MPP2: variants seen among roughly 807,000 people sequenced by gnomAD.
The protein encoded by MPP2 is MAGUK p55 subfamily member 2.
MPP2 carries 42 observed loss-of-function variants against 58.5 expected under a neutral mutation model. That is an observed-to-expected ratio of 0.72 (90% CI 0.56 to 0.93). The LOEUF is 0.93. Among genes scored for constraint, MPP2 ranks in the 40% least tolerant of loss-of-function variants. The probability of loss-of-function intolerance (pLI) is 0.00; values close to 1 mark genes in which losing one functional copy is unlikely to be tolerated. For missense variants in MPP2, 632 were observed against 760.4 expected, an observed-to-expected ratio of 0.83 and a Z score of 1.99; for synonymous variants, 300 against 307.8, an observed-to-expected ratio of 0.97 and a Z score of 0.26.
intron 3 of MPP2, among the ~76,000 whole-genome samples, chr17:43,891,062 T>G (rs1206044498): frequency 6.6e-6 from 1 of 152,200 alleles, no homozygotes; most frequent in East Asian, 1.9e-4. Flanking sequence ...CTGCTTGTCA[T>G]GTCCCCTTGT....
chr17:43,883,797 C>T (rs764441013), intron 3 of MPP2, among the ~76,000 whole-genome samples: 18 of 152,092 alleles, frequency 1.2e-4, no homozygotes, highest in South Asian at 6.2e-4. Flanking sequence ...CTTGAACTTG[C>T]GTCTCCAGGC....
At chr17:43,906,955 A>C (rs1445558683) in intron 1 of MPP2, among the ~76,000 whole-genome samples, 5 of 148,790 alleles carry the variant, frequency 3.4e-5, no homozygotes, top group Admixed American at 2.7e-4. Flanking sequence ...CTGGCTCCCG[A>C]CCCGCCCCGC....
intron 5 of MPP2, 102 bp downstream of exon 5, chr17:43,882,801 T>G: frequency 6.5e-7 from 1 of 1,538,980 alleles, no homozygotes; most frequent in Non-Finnish European, 8.9e-7. Context: ...GCTGGCCCCA[T>G]CTTCATCTTC....
intron 3 of MPP2, among the ~76,000 whole-genome samples, chr17:43,889,668 C>A (rs1341116219): frequency 1.3e-5 from 2 of 151,678 alleles, no homozygotes; most frequent in Non-Finnish European, 2.9e-5. Context: ...GCTGAAAGCA[C>A]CATCTTGATT....
At chr17:43,883,699 A>T (rs2047245556) in intron 3 of MPP2, among the ~76,000 whole-genome samples, 1 of 151,420 alleles carries the variant, frequency 6.6e-6, no homozygotes, top group African/African-American at 2.5e-5. Context: ...CTTCCACCAG[A>T]CATCATGGTT....
chr17:43,892,910 C>T (rs1418480864), intron 3 of MPP2, among the ~76,000 whole-genome samples: 2 of 152,202 alleles, frequency 1.3e-5, no homozygotes, highest in South Asian at 4.1e-4. Flanking sequence ...ATCAGGAAAA[C>T]AAACTATCTG....
intron 2 of MPP2, chr17:43,900,563 A>C (rs2048049281): frequency 2.6e-6 from 4 of 1,539,402 alleles, no homozygotes; most frequent in African/African-American, 1.4e-5. Context: ...GGCGGCCCCC[A>C]GACCCGGGGA....
intron 3 of MPP2, among the ~76,000 whole-genome samples, chr17:43,896,363 A>C (rs546988355): frequency 2.5e-4 from 38 of 151,702 alleles, no homozygotes; most frequent in Non-Finnish European, 4.0e-4. Flanking sequence ...GCCCCACCCT[A>C]CATTATCATG....
chr17:43,883,035 G>A lies in MPP2; in HGVS notation c.321C>T (p.His107=), dbSNP rs538267633. The part of the protein sequence containing the change: ...EPHFQSLLET[H]DSVASKTYET... ...CATAGGTCTTTGAGGCCACAGAGTC[G>A]TGCGTCTCCAGGAGGGACTGGGGGG... The change falls in exon 5 of 13, where the codon CAC becomes CAT. Residue 107 remains histidine (H), a synonymous_variant. Transcript: ENST00000269095. The A allele has an allele frequency of 5.0e-6, 8 of 1,613,532 alleles. No homozygotes were observed. Among genetic ancestry groups the A allele is most frequent in the East Asian group, 2.2e-5 (1 of 44,864 alleles).
chr17:43,885,307 C>T (rs757710720), intron 3 of MPP2, among the ~76,000 whole-genome samples: 14 of 152,134 alleles, frequency 9.2e-5, no homozygotes, highest in Non-Finnish European at 1.6e-4. Context: ...CCCATTCACA[C>T]CTCTGTCCTG....
intron 2 of MPP2, among the ~76,000 whole-genome samples, chr17:43,904,114 C>T (rs1441155289): frequency 6.6e-6 from 1 of 152,198 alleles, no homozygotes; most frequent in African/African-American, 2.4e-5. Flanking sequence ...AGGCCTGGTC[C>T]TATGCCACTG....
chr17:43,900,746 G>C (rs1351671607), intron 2 of MPP2: 9 of 995,870 alleles, frequency 9.0e-6, no homozygotes, highest in Admixed American at 3.1e-5. Context: ...GCGCGGTGCA[G>C]AGCAGGCGGT....
chr17:43,887,050 C>CAAAAAA (rs35016242), intron 3 of MPP2, among the ~76,000 whole-genome samples: 1 of 141,902 alleles, frequency 7.0e-6, no homozygotes, highest in African/African-American at 2.6e-5. Context: ...TTTTTGCATG[C>CAAAAAA]AAAAAAAAAA....
In MPP2 at chr17:43,899,140, G is replaced by A. The variant is rs181921731; in HGVS notation, c.32-760C>T. Among the ~76,000 whole-genome samples the A allele has an allele frequency of 4.7e-4, 71 of 151,134 alleles. 1 individual carries two copies. The East Asian group carries it at 0.011, about 23-fold the overall frequency. On this transcript the variant is annotated intron_variant, in intron 2 of 12. Coordinates refer to ENST00000269095, the MANE Select transcript of MPP2 (RefSeq NM_005374.5). ...CAGGCGCCTGTAATCCCAGCTACTC[G>A]GGAGGCTGAGGCAGGAAAATCGCTT...
At chr17:43,881,646 G>A (rs148633818) in intron 6 of MPP2, 57 bp from the exon 7 acceptor site, 2 of 1,588,486 alleles carry the variant, frequency 1.3e-6, no homozygotes, top group Non-Finnish European at 1.7e-6. Context: ...GCTGCAGGTG[G>A]AGGTCTACCC....
intron 3 of MPP2, among the ~76,000 whole-genome samples, chr17:43,897,757 T>C (rs1448625617): frequency 2.0e-5 from 3 of 152,102 alleles, no homozygotes; most frequent in African/African-American, 7.2e-5. Context: ...TGGTCCTTCC[T>C]CCAGGAAGCC....
In MPP2 at chr17:43,906,781, C is replaced by A. The variant is rs532087403; in HGVS notation, c.-34+693G>T. Among the ~76,000 whole-genome samples, 3 of 152,216 alleles carry A rather than the reference C, an allele frequency of 2.0e-5. 1 individual carries two copies. In the East Asian group the frequency reaches 5.8e-4, roughly 30 times the overall value. ...GTGAGCCATCAAAGAAGGCTCTCTA[C>A]GTGCGCGCCCGCCGGAGACCAGGGA... On this transcript the variant is annotated intron_variant, in intron 1 of 12. Coordinates refer to ENST00000269095, the MANE Select transcript of MPP2 (RefSeq NM_005374.5).
At chr17:43,881,612 G>C (rs762288931) in intron 6 of MPP2, 23 bp from the exon 7 acceptor site, 62 of 1,610,788 alleles carry the variant, frequency 3.8e-5, no homozygotes, top group Middle Eastern at 1.7e-4. Context: ...ATCAGCAAAG[G>C]GTCGGGGGAA....
In MPP2 at chr17:43,879,583, T is replaced by G. The variant is rs1597750736; in HGVS notation, c.1354-180A>C. On this transcript the variant is annotated intron_variant, in intron 11 of 12. Transcript: ENST00000269095. The surrounding 1 kb of genome is among the most constrained non-coding windows in gnomAD (Gnocchi z 4.1). ...ACAAACAGCTGGCAGGTGGCTGGGG[T>G]GACTGGAGGAGACTAGAGGAGGAGT... Among the ~76,000 whole-genome samples the G allele has an allele frequency of 6.6e-6, 1 of 150,872 alleles. No homozygotes were observed. The highest frequency in any genetic ancestry group is 1.5e-5 in the Non-Finnish European group (1 of 67,734).
Sources: allele counts gnomAD v4.1 joint callset (sites outside exome capture counted in the v4.1 genomes callset), GRCh38; gene constraint gnomAD v4.1.1; non-coding constraint Gnocchi (gnomAD v3.1); transcripts MANE v1.5; gene names NCBI Gene and HGNC (gene_info 2026-07-23, HGNC 2026-07-21).